CDH12: variants seen among roughly 807,000 people sequenced by gnomAD.
CDH12 encodes the protein cadherin 12, also known as cadherin-12.
CDH12 carries 41 observed loss-of-function variants against 74.1 expected under a neutral mutation model. The observed-to-expected ratio is 0.55, with a 90% CI of 0.43 to 0.72. The LOEUF is 0.72. Ranked by LOEUF, CDH12 falls within the 30% of genes least tolerant of loss-of-function variation. The pLI, the probability that CDH12 is intolerant of heterozygous loss-of-function variation, is 0.00. For synonymous variants in CDH12, 399 were observed against 355.0 expected (o/e 1.12, Z -1.39); for missense variants, 945 against 977.2 (o/e 0.97, Z 0.44).
chr5:22,201,874 G>A (rs58541652), intron 4 of CDH12, among the ~76,000 whole-genome samples: 6,517 of 152,248 alleles, frequency 0.043, 480 homozygotes, highest in African/African-American at 0.15. Flanking sequence ...GATAAGAACT[G>A]TGGGGAAACA....
chr5:21,931,743 G>T (rs931013454), intron 6 of CDH12, among the ~76,000 whole-genome samples: 1 of 152,060 alleles, frequency 6.6e-6, no homozygotes, highest in Non-Finnish European at 1.5e-5. Flanking sequence ...TACCAATTTG[G>T]CCAATTATGG....
intron 8 of CDH12, among the ~76,000 whole-genome samples, chr5:21,840,633 G>C (rs1416808937): frequency 1.3e-5 from 2 of 151,812 alleles, no homozygotes; most frequent in African/African-American, 2.4e-5. Context: ...AACCAAAACA[G>C]CATGGTACTG....
chr5:21,824,161 G>A (rs1222774386), intron 8 of CDH12, among the ~76,000 whole-genome samples: 1 of 152,102 alleles, frequency 6.6e-6, no homozygotes, highest in Non-Finnish European at 1.5e-5. Flanking sequence ...GGGACATTGA[G>A]TTGGGATCTG....
chr5:22,221,327 C>T (rs1367891027), intron 3 of CDH12, among the ~76,000 whole-genome samples: 1 of 151,930 alleles, frequency 6.6e-6, no homozygotes, highest in Non-Finnish European at 1.5e-5. Context: ...TGTGGTTCGT[C>T]TGTATTCTCT....
chr5:22,251,151 G>A (rs1338314803), intron 3 of CDH12, among the ~76,000 whole-genome samples: 1 of 152,168 alleles, frequency 6.6e-6, no homozygotes, highest in Non-Finnish European at 1.5e-5. Flanking sequence ...AGCTCATGGT[G>A]TATTTATTTT....
intron 1 of CDH12, among the ~76,000 whole-genome samples, chr5:22,851,777 A>G (rs951103443): frequency 6.6e-6 from 1 of 152,216 alleles, no homozygotes; most frequent in Admixed American, 6.5e-5. Flanking sequence ...GGAATTATTT[A>G]TAATAAAAAC....
intron 1 of CDH12, among the ~76,000 whole-genome samples, chr5:22,839,947 T>A (rs1478262721): frequency 6.6e-6 from 1 of 152,194 alleles, no homozygotes; most frequent in Non-Finnish European, 1.5e-5. Flanking sequence ...AAAACTCTGA[T>A]TTTAATTTGT....
rs569383014 is a variant in CDH12, at chr5:22,803,962, TG to T, written c.-523+49095del. ...TTTTAGAGCATTATTTCAATTACTA[TG>T]AGTCTATGTTTTTACAAAAAAAAAA... On this transcript the variant is annotated intron_variant, in intron 1 of 14. Coordinates refer to ENST00000382254, the MANE Select transcript of CDH12 (RefSeq NM_004061.5). 2.9e-4 allele frequency among the ~76,000 whole-genome samples: 44 copies of T among 152,124 alleles called. No homozygotes were observed. In the South Asian group the frequency reaches 9.1e-3, roughly 32 times the overall value.
At chr5:21,850,810 T>C (rs543392143) in intron 7 of CDH12, among the ~76,000 whole-genome samples, 2 of 151,492 alleles carry the variant, frequency 1.3e-5, no homozygotes, top group South Asian at 4.1e-4. Flanking sequence ...AAGTATCTCA[T>C]GCAACTCTAT....
chr5:21,802,484 C>T, intron 9 of CDH12, 64 bp from the exon 10 acceptor site: 1 of 1,389,234 alleles, frequency 7.2e-7, no homozygotes, highest in Non-Finnish European at 1.0e-6. Context: ...AAATGGTGAA[C>T]ATTACTTCAG....
At chr5:22,528,281 G>C (rs1022172704) in intron 1 of CDH12, among the ~76,000 whole-genome samples, 2 of 152,090 alleles carry the variant, frequency 1.3e-5, no homozygotes, top group African/African-American at 4.8e-5. Flanking sequence ...TGAGTAGGGG[G>C]GGTTGCTTCC....
intron 1 of CDH12, among the ~76,000 whole-genome samples, chr5:22,825,469 T>C (rs537296494): frequency 1.3e-5 from 2 of 152,212 alleles, no homozygotes; most frequent in East Asian, 1.9e-4. Flanking sequence ...AAATATCTGA[T>C]AAAAATATGT....
intron 1 of CDH12, among the ~76,000 whole-genome samples, chr5:22,535,383 C>A (rs1356658250): frequency 6.6e-6 from 1 of 151,992 alleles, no homozygotes. Context: ...GTCTCGATCT[C>A]CTGACCTCGT....
chr5:22,546,715 T>G (rs188355719), intron 1 of CDH12, among the ~76,000 whole-genome samples: 40 of 152,286 alleles, frequency 2.6e-4, no homozygotes, highest in African/African-American at 9.1e-4. Context: ...ATGGGCATGT[T>G]CTGTGCTTGA....
intron 12 of CDH12, among the ~76,000 whole-genome samples, chr5:21,761,735 GGATAGATATAGATAGATAGATA>G (rs1174184577): frequency 1.3e-4 from 15 of 117,464 alleles, no homozygotes; most frequent in African/African-American, 3.9e-4. Context: ...ATGGATGGAT[GGATAGATATAGATAGATAGATA>G]GATAGATAGA....
At chr5:22,460,705 AT>A (rs1459620881) in intron 2 of CDH12, among the ~76,000 whole-genome samples, 3 of 130,992 alleles carry the variant, frequency 2.3e-5, no homozygotes, top group African/African-American at 3.2e-5. Context: ...AGTTGATGAT[AT>A]CTAGCAATTT....
At chr5:21,772,564 G>T (rs114651422) in intron 11 of CDH12, among the ~76,000 whole-genome samples, 2,819 of 152,182 alleles carry the variant, frequency 0.019, 62 homozygotes, top group African/African-American at 0.056. Flanking sequence ...GTGAGCCACC[G>T]TGCCTGGCCC....
At chr5:22,646,685 A>C (rs1486357326) in intron 1 of CDH12, among the ~76,000 whole-genome samples, 1 of 151,936 alleles carries the variant, frequency 6.6e-6, no homozygotes, top group Non-Finnish European at 1.5e-5. Flanking sequence ...AAATGCTTAC[A>C]CATGGGGCTC....
At position 21,797,297 on chromosome 5, in the gene CDH12, C is replaced by A. The variant is rs528858883; in HGVS notation, c.1256+4870G>T. On this transcript the variant is annotated intron_variant, in intron 10 of 14. Coordinates refer to ENST00000382254, the MANE Select transcript of CDH12 (RefSeq NM_004061.5). ...ATAACTCTGTGAAAAGACAGTTAAGCAAAGGAAAACAAAACAAACAGCATA... is the reference window on the plus strand; with the variant it reads ...ATAACTCTGTGAAAAGACAGTTAAGAAAAGGAAAACAAAACAAACAGCATA... 2.5e-3 allele frequency among the ~76,000 whole-genome samples: 373 copies of A among 152,144 alleles called. 3 individuals are homozygous for A. Among genetic ancestry groups the A allele is most frequent in the African/African-American group, 8.7e-3 (360 of 41,518 alleles).
Sources: allele counts gnomAD v4.1 joint callset (sites outside exome capture counted in the v4.1 genomes callset), GRCh38; gene constraint gnomAD v4.1.1; transcripts MANE v1.5; gene names NCBI Gene and HGNC (gene_info 2026-07-23, HGNC 2026-07-21).